The following IRAG2 variants were observed in gnomAD, a reference collection of about 807,000 sequenced individuals.
IRAG2 encodes inositol 1,4,5-triphosphate receptor associated 2, also known as lymphoid restricted membrane protein.
A neutral mutation model predicts 69.9 loss-of-function variants in IRAG2; 45 were observed. That is an observed-to-expected ratio of 0.64 (90% CI 0.51 to 0.83). The LOEUF (loss-of-function observed/expected upper bound fraction) is 0.83, where lower values mean the gene tolerates loss of function less well. Among genes scored for constraint, IRAG2 ranks in the 40% least tolerant of loss-of-function variants. IRAG2 has a pLI of 0.00. For missense variants in IRAG2, 520 were observed against 587.0 expected (o/e 0.89, Z 1.18); for synonymous variants, 193 against 202.4 (o/e 0.95, Z 0.40).
chr12:25,068,475 A>C (rs989609133), intron 5 of IRAG2, among the ~76,000 whole-genome samples: 80 of 152,266 alleles, frequency 5.3e-4, no homozygotes, highest in African/African-American at 1.9e-3. Flanking sequence ...TTTACTAGGC[A>C]CGATTGATTA....
intron 4 of IRAG2, among the ~76,000 whole-genome samples, chr12:25,065,089 CAAA>C (rs35101161): frequency 7.0e-6 from 1 of 142,826 alleles, no homozygotes. Flanking sequence ...GACTCAGTCT[CAAA>C]AAAAAAAAAG....
At chr12:25,000,175 T>C (rs959780779), upstream of IRAG2, among the ~76,000 whole-genome samples, 4 of 152,206 alleles carry the variant, frequency 2.6e-5, no homozygotes, top group Non-Finnish European at 5.9e-5. Context: ...ATTAGATACA[T>C]TGGCTCACAC....
Position 25,097,016 on chromosome 12 carries a change from G to A in IRAG2, c.713G>A (p.Arg238Lys), listed in dbSNP as rs1592087266. Residue 238 changes from arginine (R) to lysine (K), a missense_variant, in exon 15 of 22, where the codon AGG becomes AAG. Transcript: ENST00000556887. ...LSQCAARVAS[R>K]AEMLGAINQE... ...CAGTGTGCAGCACGAGTGGCCAGTA[G>A]GGCTGAGATGTTGGGAGCCATCAAT... 3 of 1,612,160 alleles carry A rather than the reference G, an allele frequency of 1.9e-6. No individual in the cohort carries two copies. Among genetic ancestry groups the A allele is most frequent in the Non-Finnish European group, 2.5e-6 (3 of 1,179,336 alleles).
intron 15 of IRAG2, among the ~76,000 whole-genome samples, chr12:25,099,500 C>T (rs1477691455): frequency 1.3e-5 from 2 of 152,134 alleles, no homozygotes; most frequent in Non-Finnish European, 2.9e-5. Context: ...TGATCTAAGC[C>T]TCCATTCTGT....
intron 1 of IRAG2, among the ~76,000 whole-genome samples, chr12:25,055,772 A>G (rs1397718193): frequency 6.6e-6 from 1 of 152,204 alleles, no homozygotes; most frequent in East Asian, 1.9e-4. Context: ...ATGTCGCTAC[A>G]AAGGACATGA....
chr12:25,032,421 A>C, intron 12 of IRAG2: 1 of 398,894 alleles, frequency 2.5e-6, no homozygotes, highest in Non-Finnish European at 4.4e-6. Context: ...TCTACCCTAC[A>C]TTATTGGCCC....
intron 4 of IRAG2, among the ~76,000 whole-genome samples, chr12:25,064,041 C>T (rs1841249661): frequency 6.6e-6 from 1 of 152,184 alleles, no homozygotes; most frequent in Admixed American, 6.6e-5. Flanking sequence ...GGGCTCATGC[C>T]TATAATCCCA....
intron 6 of IRAG2, among the ~76,000 whole-genome samples, chr12:25,018,256 G>A (rs1944548764): frequency 6.9e-6 from 1 of 143,904 alleles, no homozygotes; most frequent in African/African-American, 2.5e-5. Flanking sequence ...TAGTGCAGCG[G>A]CACGATCTCA....
intron 15 of IRAG2, chr12:25,037,843 CT>C: frequency 5.1e-6 from 2 of 395,916 alleles, no homozygotes; most frequent in Non-Finnish European, 8.9e-6. Context: ...AGAATTGGTA[CT>C]CATTGACATA....
chr12:25,098,942 G>T (rs991777437), intron 15 of IRAG2, among the ~76,000 whole-genome samples: 35 of 152,118 alleles, frequency 2.3e-4, no homozygotes, highest in Admixed American at 5.9e-4. Context: ...TCCTGGAAAT[G>T]CTTTCCTCAC....
At chr12:25,062,957 T>G in intron 3 of IRAG2, 57 bp downstream of exon 3, 1 of 398,872 alleles carries the variant, frequency 2.5e-6, no homozygotes. Flanking sequence ...ACAACTATCC[T>G]GTAATAGAAA....
intron 1 of IRAG2, among the ~76,000 whole-genome samples, chr12:25,053,365 G>A (rs182666789): frequency 9.2e-5 from 14 of 151,508 alleles, no homozygotes; most frequent in East Asian, 7.7e-4. Context: ...GGCCTTGCTC[G>A]TCTATTTTCT....
rs143396244 is a variant in IRAG2 at position 25,079,539 on chromosome 12, G to A, written c.136+77G>A. ...CAGCCTGATGTTCTGTGACCTGCTG[G>A]GGTGTGAGCAAATGAGAAGAACATA... On this transcript the variant is annotated intron_variant, in intron 8 of 21. Coordinates refer to ENST00000556887, the MANE Select transcript of IRAG2 (RefSeq NM_001366544.2). The A allele has an allele frequency of 1.2e-4, 166 of 1,387,862 alleles. No individual in the cohort carries two copies. In the African/African-American group the frequency reaches 2.0e-3, roughly 17 times the overall value. 86.0% of individuals were successfully genotyped at this position (1,387,862 alleles called of 1,614,324 possible).
At chr12:25,079,992 G>A (rs2140107588) in intron 9 of IRAG2, among the ~76,000 whole-genome samples, 1 of 152,196 alleles carries the variant, frequency 6.6e-6, no homozygotes, top group Non-Finnish European at 1.5e-5. Context: ...CGATTTTGTA[G>A]CCAGAACAAA....
intron 6 of IRAG2, among the ~76,000 whole-genome samples, chr12:25,020,029 T>C (rs553566306): frequency 9.2e-5 from 14 of 152,228 alleles, no homozygotes; most frequent in Non-Finnish European, 1.9e-4. Flanking sequence ...CTTCCCTTCT[T>C]CAATGCCTAG....
upstream of IRAG2, chr12:25,052,447 A>C: frequency 4.9e-6 from 1 of 202,072 alleles, no homozygotes; most frequent in East Asian, 9.5e-5. Flanking sequence ...AACAACAAAC[A>C]AAAAAAAAAA....
chr12:25,019,950 G>T (rs11047761), intron 6 of IRAG2, among the ~76,000 whole-genome samples: 11,549 of 152,196 alleles, frequency 0.076, 581 homozygotes, highest in African/African-American at 0.15. Flanking sequence ...TGTATTGTCA[G>T]TATGATTGTC....
chr12:25,032,698 C>T (rs1206456438), intron 12 of IRAG2, among the ~76,000 whole-genome samples: 2 of 152,250 alleles, frequency 1.3e-5, no homozygotes, highest in African/African-American at 4.8e-5. Flanking sequence ...TGCAGATTGC[C>T]GACTTATCCT....
chr12:25,018,922 A>G (rs761377926), intron 6 of IRAG2, among the ~76,000 whole-genome samples: 8 of 152,134 alleles, frequency 5.3e-5, no homozygotes, highest in Non-Finnish European at 1.2e-4. Flanking sequence ...CCCGCAACCT[A>G]GTTTTGATAT....
Sources: gnomAD v4.1 joint callset for allele counts (sites outside exome capture counted in the v4.1 genomes callset) on GRCh38, gnomAD v4.1.1 for gene constraint, MANE v1.5 for transcripts, NCBI Gene and HGNC (gene_info 2026-07-23, HGNC 2026-07-21) for gene names.